The following CSMD2 variants were observed in gnomAD, a reference collection of about 807,000 sequenced individuals.
CSMD2 encodes the protein CUB and Sushi multiple domains 2, also known as CUB and sushi domain-containing protein 2.
In CSMD2, 130 loss-of-function variants were observed where a neutral mutation model predicts 398.5. That is an observed-to-expected ratio of 0.33 (90% CI 0.28 to 0.38). CSMD2 has a LOEUF of 0.38. Among genes scored for constraint, CSMD2 ranks in the 10% least tolerant of loss-of-function variants. The probability of loss-of-function intolerance (pLI) is 1.00; values close to 1 mark genes in which losing one functional copy is unlikely to be tolerated. For missense variants in CSMD2, 3,829 were observed against 4,764.9 expected, an observed-to-expected ratio of 0.80 and a Z score of 5.78; for synonymous variants, 1,828 against 1,908.5, an observed-to-expected ratio of 0.96 and a Z score of 1.10.
chr1:34,032,229 G>GAAATAATA (rs1393345217), intron 3 of CSMD2, among the ~76,000 whole-genome samples: 23 of 151,970 alleles, frequency 1.5e-4, no homozygotes, highest in Non-Finnish European at 2.9e-5. Flanking sequence ...CTTTTACTTA[G>GAAATAATA]GGTTTATATG....
chr1:34,129,689 C>T (rs1476785621), intron 1 of CSMD2, among the ~76,000 whole-genome samples: 7 of 152,172 alleles, frequency 4.6e-5, no homozygotes, highest in East Asian at 1.9e-4. Flanking sequence ...AAATAGCCCA[C>T]GATAGCTGGG....
chr1:34,029,494 C>G (rs1650143415), intron 3 of CSMD2, among the ~76,000 whole-genome samples: 1 of 152,178 alleles, frequency 6.6e-6, no homozygotes, highest in Admixed American at 6.5e-5. Context: ...ACTCATGCCT[C>G]CCACCTTCCA....
At chr1:33,520,004 G>A (rs1223286516) in intron 68 of CSMD2, 54 bp from the exon 69 acceptor site, 8 of 1,601,040 alleles carry the variant, frequency 5.0e-6, no homozygotes, top group Admixed American at 1.7e-5. Flanking sequence ...CTGAGGCTCC[G>A]TTGGCTACCC....
chr1:33,620,539 C>G (rs747311817), intron 37 of CSMD2, among the ~76,000 whole-genome samples: 13 of 151,928 alleles, frequency 8.6e-5, no homozygotes, highest in African/African-American at 1.7e-4. Context: ...AGTAGAATGG[C>G]AAAGTGATTT....
At chr1:33,859,267 G>A (rs1639316702) in intron 5 of CSMD2, among the ~76,000 whole-genome samples, 1 of 152,162 alleles carries the variant, frequency 6.6e-6, no homozygotes, top group South Asian at 2.1e-4. Context: ...TGGCACTAGG[G>A]GACAATCCTT....
chr1:33,571,508 C>A, intron 51 of CSMD2, 24 bp downstream of exon 51: 1 of 1,405,986 alleles, frequency 7.1e-7, no homozygotes, highest in Non-Finnish European at 9.4e-7. Context: ...GCTAAACTTG[C>A]CCACCCTCCC....
Position 34,141,816 on chromosome 1 carries a change from C to T in CSMD2, c.187+23095G>A, listed in dbSNP as rs529740536. ...TAGGCGAGAATGCAAGGAGGGAAAC[C>T]AGGGAAGGGTCCAGGCAAAAGAAGA... On this transcript the variant is annotated intron_variant, in intron 1 of 70. Transcript: ENST00000373381. 2.6e-5 allele frequency among the ~76,000 whole-genome samples: 4 copies of T among 152,230 alleles called. No individual in the cohort carries two copies. In the South Asian group the frequency reaches 8.3e-4, roughly 32 times the overall value.
intron 15 of CSMD2, among the ~76,000 whole-genome samples, chr1:33,735,749 C>A (rs1646865316): frequency 6.6e-6 from 1 of 152,118 alleles, no homozygotes; most frequent in Admixed American, 6.5e-5. Flanking sequence ...TGGCTCTTAG[C>A]ATATATTAAA....
At chr1:33,832,475 A>G (rs1557970833) in intron 6 of CSMD2, among the ~76,000 whole-genome samples, 4 of 145,670 alleles carry the variant, frequency 2.7e-5, no homozygotes, top group South Asian at 2.4e-4. Flanking sequence ...ACAACATACC[A>G]GAATCTCTGG....
At chr1:33,769,633 G>C (rs1163702643) in intron 13 of CSMD2, among the ~76,000 whole-genome samples, 7 of 152,126 alleles carry the variant, frequency 4.6e-5, no homozygotes, top group Admixed American at 3.9e-4. Context: ...AAATGTTTTG[G>C]AACATGAAGG....
chr1:33,924,355 A>G (rs1644050432), intron 4 of CSMD2, among the ~76,000 whole-genome samples: 1 of 152,200 alleles, frequency 6.6e-6, no homozygotes, highest in Non-Finnish European at 1.5e-5. Context: ...ATTTTTTAAC[A>G]TCTGAGTAGT....
In CSMD2 at chr1:33,914,412, T is replaced by TGTG. The variant is rs1558095510; in HGVS notation, c.920+3681_920+3682insCAC. Among the ~76,000 whole-genome samples the TGTG allele has an allele frequency of 3.9e-3, 398 of 103,250 alleles. 1 individual carries two copies. Among genetic ancestry groups the TGTG allele is most frequent in the African/African-American group, 0.011 (373 of 32,574 alleles). The allele number at this position is 103,250 out of a possible 152,430, so 67.7% of individuals were successfully genotyped here. ...TGTGTGTGTGTGTGTGTGTGTGTGTTTGTGTGTATGTTGGGTGAGGGCTGC... is the reference window on the plus strand; with the variant it reads ...TGTGTGTGTGTGTGTGTGTGTGTGTTGTGTGTGTGTATGTTGGGTGAGGGCTGC... On this transcript the variant is annotated intron_variant, in intron 5 of 70. Coordinates refer to ENST00000373381, the MANE Select transcript of CSMD2 (RefSeq NM_001281956.2).
At chr1:34,127,808 G>A (rs901420799) in intron 1 of CSMD2, among the ~76,000 whole-genome samples, 4 of 152,148 alleles carry the variant, frequency 2.6e-5, no homozygotes, top group African/African-American at 9.7e-5. Context: ...GGAGCGTGTA[G>A]AGACTGAGGG....
intron 1 of CSMD2, among the ~76,000 whole-genome samples, chr1:34,117,199 G>A (rs1232307431): frequency 3.9e-5 from 6 of 151,964 alleles, no homozygotes; most frequent in Non-Finnish European, 8.8e-5. Flanking sequence ...ACAAAATTAA[G>A]AGTTGATTTT....
intron 6 of CSMD2, among the ~76,000 whole-genome samples, chr1:33,836,892 C>T (rs929284552): frequency 4.6e-5 from 7 of 152,204 alleles, no homozygotes; most frequent in African/African-American, 1.4e-4. Flanking sequence ...TCCGACAATC[C>T]CCAGTGAGAT....
intron 5 of CSMD2, among the ~76,000 whole-genome samples, chr1:33,913,370 T>C (rs1176264722): frequency 2.0e-5 from 3 of 152,194 alleles, no homozygotes. Context: ...GCCTTTCTGC[T>C]GGTGAGATGC....
At chr1:34,087,911 A>G (rs1461029792) in intron 2 of CSMD2, among the ~76,000 whole-genome samples, 5 of 152,040 alleles carry the variant, frequency 3.3e-5, no homozygotes, top group Non-Finnish European at 4.4e-5. Flanking sequence ...ACCCTGCTGA[A>G]CCTCAAGGGA....
rs149930905 is a variant in CSMD2, at chr1:34,112,286, AT to A, written c.188-23094del. On this transcript the variant is annotated intron_variant, in intron 1 of 70. Coordinates refer to ENST00000373381, the MANE Select transcript of CSMD2 (RefSeq NM_001281956.2). ...GACCTCAGACTTCTGTTTAGAAGAC[AT>A]TGCCATGGCCATTTCCCCAGATGCC... Among the ~76,000 whole-genome samples, 1,297 of 152,272 alleles carry A rather than the reference AT, an allele frequency of 8.5e-3. 28 individuals carry two copies. Among genetic ancestry groups the A allele is most frequent in the African/African-American group, 0.03 (1,232 of 41,564 alleles).
chr1:33,662,124 G>A (rs930385168), intron 26 of CSMD2, among the ~76,000 whole-genome samples: 2 of 152,150 alleles, frequency 1.3e-5, no homozygotes, highest in Non-Finnish European at 2.9e-5. Context: ...TCTCATACTG[G>A]GATTTGGATG....
Sources: allele counts gnomAD v4.1 joint callset (sites outside exome capture counted in the v4.1 genomes callset), GRCh38; gene constraint gnomAD v4.1.1; transcripts MANE v1.5; gene names NCBI Gene and HGNC (gene_info 2026-07-23, HGNC 2026-07-21).